Variants in ALDH1L2 observed in about 807,000 individuals in gnomAD.
ALDH1L2 encodes mitochondrial 10-formyltetrahydrofolate dehydrogenase.
ALDH1L2 carries 91 observed loss-of-function variants against 111.0 expected under a neutral mutation model. The observed-to-expected ratio is 0.82, with a 90% CI of 0.69 to 0.98. The LOEUF (loss-of-function observed/expected upper bound fraction) is 0.98, where lower values mean the gene tolerates loss of function less well. ALDH1L2 is among the 50% of genes least tolerant of loss of function. ALDH1L2 has a pLI of 0.00. For synonymous variants in ALDH1L2, 374 were observed against 392.6 expected (o/e 0.95, Z 0.56); for missense variants, 995 against 1,126.8 (o/e 0.88, Z 1.67).
rs1388616805 is a variant in ALDH1L2 at position 105,023,006 on chromosome 12, T to G, written c.*1418A>C. On this transcript the variant is annotated 3_prime_UTR_variant, in exon 23 of 23. Coordinates refer to ENST00000258494, the MANE Select transcript of ALDH1L2 (RefSeq NM_001034173.4). ...GATTCAGAAATTTGCCGCCTTCTAG[T>G]CACACATAGATGGTGAAAATTTACT... 6.6e-6 allele frequency: 1 copy of G among 152,238 alleles called. No individual in the cohort carries two copies. The highest frequency in any genetic ancestry group is 1.5e-5 in the Non-Finnish European group (1 of 68,032). The allele number at this position is 152,238 out of a possible 1,614,324, so 9.4% of individuals were successfully genotyped here.
At position 105,026,650 on chromosome 12, in the gene ALDH1L2, T is replaced by G; in HGVS notation, c.2611A>C (p.Ser871Arg). Residue 871 changes from serine (S) to arginine (R), a missense_variant, in exon 22 of 23, where the codon AGT becomes CGT. Ser to Arg is a moderately radical substitution (Grantham distance 110, BLOSUM62 -1). Coordinates refer to ENST00000258494, the MANE Select transcript of ALDH1L2 (RefSeq NM_001034173.4). Reference sequence around the variant, plus strand: ...ACAGTTCCTGCTTCCAGTTTTTCACTCACATACATAGCTTTGTTTATGTCT... The same window carrying G: ...ACAGTTCCTGCTTCCAGTTTTTCACGCACATACATAGCTTTGTTTATGTCT... ...TRDINKAMYV[S>R]EKLEAGTVFI... 1.9e-6 allele frequency: 3 copies of G among 1,614,194 alleles called. No individual in the cohort carries two copies. The highest frequency in any genetic ancestry group is 2.5e-6 in the Non-Finnish European group (3 of 1,180,018).
Position 105,024,249 on chromosome 12 carries a change from A to G in ALDH1L2, c.*175T>C. 1 of 650,330 alleles carries G rather than the reference A, an allele frequency of 1.5e-6. No individual in the cohort carries two copies. Among genetic ancestry groups the G allele is most frequent in the Non-Finnish European group, 2.7e-6 (1 of 369,742 alleles). 40.3% of individuals were successfully genotyped at this position (650,330 alleles called of 1,614,324 possible). A position where few individuals can be genotyped will look rare whatever the true frequency, so the allele number is the denominator to read the frequency against. ...TCCAAATCACTGGAAGGTGTATTAGAAAATACTCAGGCACATGTGTAAATG... is the reference window on the plus strand; with the variant it reads ...TCCAAATCACTGGAAGGTGTATTAGGAAATACTCAGGCACATGTGTAAATG... On this transcript the variant is annotated 3_prime_UTR_variant, in exon 23 of 23. Transcript: ENST00000258494.
intron 1 of ALDH1L2, among the ~76,000 whole-genome samples, chr12:105,078,955 A>G (rs1255140035): frequency 6.6e-6 from 1 of 152,214 alleles, no homozygotes; most frequent in African/African-American, 2.4e-5. Context: ...ACACCGTAGC[A>G]AGAGACATTA....
chr12:105,037,108 A>G (rs889031808), intron 18 of ALDH1L2, among the ~76,000 whole-genome samples: 15 of 152,220 alleles, frequency 9.9e-5, no homozygotes, highest in South Asian at 2.1e-4. Context: ...TGAGAAGACC[A>G]TAAGTTTCCC....
intron 19 of ALDH1L2, among the ~76,000 whole-genome samples, chr12:105,032,892 T>G (rs1213295028): frequency 6.6e-6 from 1 of 152,212 alleles, no homozygotes; most frequent in Non-Finnish European, 1.5e-5. Context: ...ATTCTCCTGG[T>G]GTAGCCATGC....
Position 105,035,948 on chromosome 12 carries a change from T to C in ALDH1L2, c.2146-1550A>G, listed in dbSNP as rs1321237827. Among the ~76,000 whole-genome samples, 5 of 87,422 alleles carry C rather than the reference T, an allele frequency of 5.7e-5. No homozygotes were observed. The East Asian group carries it at 2.1e-3, about 37-fold the overall frequency. The allele number at this position is 87,422 out of a possible 152,430, so 57.4% of individuals were successfully genotyped here. A position where few individuals can be genotyped will look rare whatever the true frequency, so the allele number is the denominator to read the frequency against. ...CATATATTTATATGTGTATATATAT[T>C]ATATATATACGTATATTTATATGTG... On this transcript the variant is annotated intron_variant, in intron 18 of 22. Transcript: ENST00000258494.
At chr12:105,053,087 T>C (rs1235706023) in intron 10 of ALDH1L2, among the ~76,000 whole-genome samples, 156 bp from the exon 11 acceptor site, 2 of 152,232 alleles carry the variant, frequency 1.3e-5, no homozygotes, top group East Asian at 3.8e-4. Context: ...GATTTGGGCC[T>C]CAAGATGCTT....
At chr12:105,067,338 G>A (rs571322099) in intron 4 of ALDH1L2, among the ~76,000 whole-genome samples, 10 of 151,994 alleles carry the variant, frequency 6.6e-5, no homozygotes, top group African/African-American at 1.4e-4. Flanking sequence ...ATTGCCAATC[G>A]AAGTCTGCAC....
intron 10 of ALDH1L2, among the ~76,000 whole-genome samples, chr12:105,055,901 G>GACTTATGGGATACCATCAACTATACCA (rs1876596188): frequency 2.0e-5 from 3 of 152,096 alleles, no homozygotes; most frequent in Non-Finnish European, 4.4e-5. Context: ...GAGCCTCAGA[G>GACTTATGGGATACCATCAACTATACCA]ACTTATGGGA....
At chr12:105,041,408 T>C (rs540764174) in intron 15 of ALDH1L2, among the ~76,000 whole-genome samples, 3 of 152,344 alleles carry the variant, frequency 2.0e-5, no homozygotes, top group Non-Finnish European at 4.4e-5. Flanking sequence ...ATGCTGAGCT[T>C]TTCTCAGGAC....
intron 16 of ALDH1L2, among the ~76,000 whole-genome samples, chr12:105,040,038 A>C (rs1189495946): frequency 6.7e-6 from 1 of 149,680 alleles, no homozygotes; most frequent in East Asian, 2.0e-4. Flanking sequence ...CTGAGAGAGA[A>C]TCACTTGAAC....
intron 12 of ALDH1L2, among the ~76,000 whole-genome samples, chr12:105,051,208 G>A (rs2136075513): frequency 1.3e-5 from 2 of 152,232 alleles, no homozygotes; most frequent in South Asian, 4.2e-4. Context: ...ACCCTGCTCT[G>A]TGACCTTGAC....
chr12:105,068,734 T>G lies in ALDH1L2; in HGVS notation c.579A>C (p.Glu193Asp). The G allele has an allele frequency of 6.5e-7, 1 of 1,542,754 alleles. No homozygotes were observed. Among genetic ancestry groups the G allele is most frequent in the South Asian group, 1.3e-5 (1 of 76,778 alleles). The change falls in exon 4 of 23, where the codon GAA becomes GAC. Residue 193 changes from glutamate (E) to aspartate (D), a missense_variant. By Grantham distance (45) the Glu-to-Asp change is conservative. Transcript: ENST00000258494. ...ATATACTAACCATGGCCTTGATTCCTTCAGGAAAAAGAAACCGATTATAAA... is the reference window on the plus strand; with the variant it reads ...ATATACTAACCATGGCCTTGATTCCGTCAGGAAAAAGAAACCGATTATAAA... ...DALYNRFLFPEGIKAMVEAVQ... is the reference protein window; with the variant it reads ...DALYNRFLFPDGIKAMVEAVQ...
chr12:105,073,665 G>T, intron 2 of ALDH1L2, 196 bp downstream of exon 2: 1 of 668,248 alleles, frequency 1.5e-6, no homozygotes, highest in Non-Finnish European at 2.4e-6. Flanking sequence ...TCTGGCCAAT[G>T]GGATACAAGT....
intron 12 of ALDH1L2, among the ~76,000 whole-genome samples, chr12:105,051,659 T>C (rs1294472720): frequency 6.6e-6 from 1 of 152,192 alleles, no homozygotes; most frequent in African/African-American, 2.4e-5. Context: ...GGATTTAATA[T>C]GAGTCAAGTA....
rs1198617635 is a variant in ALDH1L2 at position 105,061,621 on chromosome 12, G to A, written c.1047+6C>T. ...AACAGTAAGATTTAAGTCATCATGTGTTCACCTTGATGGTCTCTGCCACTT... is the reference window on the plus strand; with the variant it reads ...AACAGTAAGATTTAAGTCATCATGTATTCACCTTGATGGTCTCTGCCACTT... On this transcript the variant is annotated splice_donor_region_variant and intron_variant, in intron 8 of 22. Coordinates refer to ENST00000258494, the MANE Select transcript of ALDH1L2 (RefSeq NM_001034173.4). 1.2e-6 allele frequency: 2 copies of A among 1,614,008 alleles called. No individual in the cohort carries two copies. The highest frequency in any genetic ancestry group is 3.3e-5 in the Admixed American group (2 of 60,002).
intron 2 of ALDH1L2, among the ~76,000 whole-genome samples, chr12:105,071,618 A>G (rs1216408265): frequency 1.3e-4 from 2 of 15,274 alleles, no homozygotes; most frequent in Admixed American, 9.6e-4. Context: ...TAAGTAGTAT[A>G]TATATATATA....
At chr12:105,083,751 G>A (rs1490215138) in intron 1 of ALDH1L2, among the ~76,000 whole-genome samples, 1 of 152,078 alleles carries the variant, frequency 6.6e-6, no homozygotes, top group Non-Finnish European at 1.5e-5. Context: ...TCCAAGGCGC[G>A]GGGCTGGGCC....
intron 10 of ALDH1L2, among the ~76,000 whole-genome samples, chr12:105,054,525 C>T (rs1876492303): frequency 6.6e-6 from 1 of 152,134 alleles, no homozygotes; most frequent in Non-Finnish European, 1.5e-5. Flanking sequence ...CTTGAAAAGC[C>T]AACTTCATTG....
Sources: gnomAD v4.1 joint callset for allele counts (sites outside exome capture counted in the v4.1 genomes callset) on GRCh38, gnomAD v4.1.1 for gene constraint, MANE v1.5 for transcripts, NCBI Gene and HGNC (gene_info 2026-07-23, HGNC 2026-07-21) for gene names.